Variants in CDH4 observed in about 807,000 individuals in gnomAD.
CDH4 encodes the protein cadherin 4, also known as cadherin-4.
In CDH4, 33 loss-of-function variants were observed where a neutral mutation model predicts 86.0. The observed-to-expected ratio is 0.38, with a 90% CI of 0.29 to 0.51. The LOEUF (loss-of-function observed/expected upper bound fraction) is 0.51. Among genes scored for constraint, CDH4 ranks in the 20% least tolerant of loss-of-function variants. The probability of loss-of-function intolerance (pLI) is 0.86; values close to 1 mark genes in which losing one functional copy is unlikely to be tolerated. For synonymous variants in CDH4, 555 were observed against 549.4 expected, an observed-to-expected ratio of 1.01 and a Z score of -0.14; for missense variants, 1,114 against 1,307.4, an observed-to-expected ratio of 0.85 and a Z score of 2.28.
chr20:61,441,337 C>T (rs778194161), intron 2 of CDH4, among the ~76,000 whole-genome samples: 3 of 152,218 alleles, frequency 2.0e-5, no homozygotes, highest in Non-Finnish European at 4.4e-5. Flanking sequence ...AGGACTTAGG[C>T]AGAGGGACTG....
At chr20:61,372,793 A>G (rs1460365721) in intron 2 of CDH4, among the ~76,000 whole-genome samples, 1 of 152,076 alleles carries the variant, frequency 6.6e-6, no homozygotes, top group Non-Finnish European at 1.5e-5. Flanking sequence ...GGGATGGCCG[A>G]CTCCTAGTAG....
intron 2 of CDH4, among the ~76,000 whole-genome samples, chr20:61,398,667 G>T (rs1404640377): frequency 6.6e-6 from 1 of 152,218 alleles, no homozygotes; most frequent in Non-Finnish European, 1.5e-5. Flanking sequence ...CTCACTCCAT[G>T]TCTACGAACT....
chr20:61,934,248 C>A, intron 15 of CDH4, 28 bp downstream of exon 15: 2 of 1,507,804 alleles, frequency 1.3e-6, no homozygotes, highest in South Asian at 2.6e-5. Flanking sequence ...GTGGGGGGCC[C>A]GGGCAAGGTG....
In CDH4 at chr20:61,347,844, G is replaced by A. The variant is rs2084688755; in HGVS notation, c.169+92907G>A. ...TGAATTGGGACCCACAAACCAGGTG[G>A]GAAGCATGGCGTTTGAACCGTGCCT... On this transcript the variant is annotated intron_variant, in intron 2 of 15. Coordinates refer to ENST00000614565, the MANE Select transcript of CDH4 (RefSeq NM_001794.5). Among the ~76,000 whole-genome samples, 3 of 152,226 alleles carry A rather than the reference G, an allele frequency of 2.0e-5. No individual in the cohort carries two copies. In the South Asian group the frequency reaches 6.2e-4, roughly 32 times the overall value.
At chr20:61,435,299 C>T (rs544874462) in intron 2 of CDH4, among the ~76,000 whole-genome samples, 84 of 152,300 alleles carry the variant, frequency 5.5e-4, no homozygotes, top group Middle Eastern at 6.8e-3. Context: ...CCAGGGGCAA[C>T]GTAACCTGCC....
intron 2 of CDH4, among the ~76,000 whole-genome samples, chr20:61,405,532 T>C (rs1433095937): frequency 6.6e-6 from 1 of 152,046 alleles, no homozygotes; most frequent in East Asian, 1.9e-4. Flanking sequence ...TTCTTACTAT[T>C]AGACGAGTTG....
At chr20:61,794,712 C>T (rs6061358) in intron 4 of CDH4, among the ~76,000 whole-genome samples, 88,059 of 151,986 alleles carry the variant, frequency 0.58, 25,698 homozygotes, top group South Asian at 0.65. Flanking sequence ...TGGTCCCATG[C>T]ACCTAGGACC....
chr20:61,921,308 T>C (rs1486069567), intron 9 of CDH4, among the ~76,000 whole-genome samples: 2 of 152,272 alleles, frequency 1.3e-5, no homozygotes, highest in Non-Finnish European at 2.9e-5. Context: ...GGTGTCATGG[T>C]GATTGCATGG....
intron 2 of CDH4, among the ~76,000 whole-genome samples, chr20:61,735,850 C>T (rs1232050778): frequency 2.0e-5 from 3 of 152,198 alleles, no homozygotes; most frequent in Non-Finnish European, 4.4e-5. Flanking sequence ...GGGGCCACAG[C>T]CTTCTGCCTC....
At chr20:61,806,232 T>C (rs941641904) in intron 4 of CDH4, among the ~76,000 whole-genome samples, 1 of 152,196 alleles carries the variant, frequency 6.6e-6, no homozygotes, top group African/African-American at 2.4e-5. Flanking sequence ...CCAGGCGTCG[T>C]GGCCTGCCTG....
intron 8 of CDH4, among the ~76,000 whole-genome samples, chr20:61,901,230 G>GGGGCAGGGGCAA (rs1190583173): frequency 6.6e-6 from 1 of 150,826 alleles, no homozygotes; most frequent in Non-Finnish European, 1.5e-5. Flanking sequence ...AGTAGGGGCA[G>GGGGCAGGGGCAA]GGGCAGGGGC....
In CDH4 at chr20:61,499,645, A is replaced by C. The variant is rs186932709; in HGVS notation, c.170-243918A>C. Among the ~76,000 whole-genome samples, 14 of 152,224 alleles carry C rather than the reference A, an allele frequency of 9.2e-5. No individual in the cohort carries two copies. The East Asian group carries it at 2.7e-3, about 30-fold the overall frequency. On this transcript the variant is annotated intron_variant, in intron 2 of 15. Transcript: ENST00000614565. ...ACCTCAGCCTGCAGACACAGGACAGATCCCAGCCCACAAACGCAGGCCAGT... is the reference window on the plus strand; with the variant it reads ...ACCTCAGCCTGCAGACACAGGACAGCTCCCAGCCCACAAACGCAGGCCAGT...
intron 2 of CDH4, among the ~76,000 whole-genome samples, chr20:61,265,808 C>T (rs2084155530): frequency 6.6e-6 from 1 of 152,210 alleles, no homozygotes; most frequent in African/African-American, 2.4e-5. Context: ...AAGGAATGCT[C>T]CAGCACTTAG....
chr20:61,572,454 G>A (rs373495767), intron 2 of CDH4, among the ~76,000 whole-genome samples: 61 of 152,308 alleles, frequency 4.0e-4, no homozygotes, highest in South Asian at 1.2e-3. Context: ...CAGTCAGCAC[G>A]TCTTGAAGGA....
At chr20:61,657,437 T>G (rs2087204305) in intron 2 of CDH4, among the ~76,000 whole-genome samples, 1 of 152,246 alleles carries the variant, frequency 6.6e-6, no homozygotes, top group Non-Finnish European at 1.5e-5. Context: ...AAGACTATTT[T>G]CAAAGCACCT....
intron 2 of CDH4, among the ~76,000 whole-genome samples, chr20:61,629,402 AAT>A (rs946911423): frequency 2.6e-5 from 4 of 152,142 alleles, no homozygotes; most frequent in African/African-American, 9.7e-5. Context: ...TAAAAAAAAA[AAT>A]AATTAAGAGC....
chr20:61,421,277 C>G (rs1364607571), intron 2 of CDH4, among the ~76,000 whole-genome samples: 5 of 152,142 alleles, frequency 3.3e-5, no homozygotes, highest in Non-Finnish European at 7.4e-5. Flanking sequence ...ATGTGCACAA[C>G]ACTTCAATTT....
intron 7 of CDH4, among the ~76,000 whole-genome samples, chr20:61,889,322 A>C (rs1008619281): frequency 1.7e-4 from 25 of 150,552 alleles, no homozygotes; most frequent in African/African-American, 5.9e-4. Context: ...GGATGGATGG[A>C]TGGATGGATG....
At chr20:61,928,484 AC>A in intron 12 of CDH4, 61 bp downstream of exon 12, 1 of 1,460,666 alleles carries the variant, frequency 6.8e-7, no homozygotes, top group Non-Finnish European at 9.5e-7. Context: ...CCCCTGGGAG[AC>A]CCAGCTGGCC....
Sources: allele counts gnomAD v4.1 joint callset (sites outside exome capture counted in the v4.1 genomes callset), GRCh38; gene constraint gnomAD v4.1.1; transcripts MANE v1.5; gene names NCBI Gene and HGNC (gene_info 2026-07-23, HGNC 2026-07-21).